Variants in CTNNB1 observed in about 807,000 individuals in gnomAD.
The protein encoded by CTNNB1 is catenin beta 1, also known as catenin beta-1.
In CTNNB1, 6 loss-of-function variants were observed where a neutral mutation model predicts 82.5. The observed-to-expected ratio is 0.07, with a 90% CI of 0.04 to 0.14. The LOEUF is 0.14. Among genes scored for constraint, CTNNB1 ranks in the 10% least tolerant of loss-of-function variants. The probability of loss-of-function intolerance (pLI) is 1.00; values close to 1 mark genes in which losing one functional copy is unlikely to be tolerated. For synonymous variants in CTNNB1, 312 were observed against 329.7 expected (o/e 0.95, Z 0.58); for missense variants, 529 against 980.4 (o/e 0.54, Z 6.15).
chr3:41,213,741 G>C lies in CTNNB1; in HGVS notation c.-48-10280G>C, dbSNP rs191959136. ...TATACTACTGGAGCATTCATGTATA[G>C]TTGGAGATTATGACTCATTTATTGG... is the stretch of plus-strand genomic sequence containing the variant. On this transcript the variant is annotated intron_variant, in intron 1 of 14. Transcript: ENST00000349496. Among the ~76,000 whole-genome samples, 3 of 152,278 alleles carry C rather than the reference G, an allele frequency of 2.0e-5. No homozygotes were observed. In the East Asian group the frequency reaches 5.8e-4, roughly 29 times the overall value.
At chr3:41,238,732 C>A (rs2078500052) in intron 14 of CTNNB1, among the ~76,000 whole-genome samples, 1 of 152,154 alleles carries the variant, frequency 6.6e-6, no homozygotes, top group Admixed American at 6.5e-5. Context: ...TAGATTACAC[C>A]TGCCAGACCT....
At chr3:41,219,447 T>G (rs1171339831) in intron 1 of CTNNB1, among the ~76,000 whole-genome samples, 1 of 152,228 alleles carries the variant, frequency 6.6e-6, no homozygotes, top group Admixed American at 6.5e-5. Context: ...AAGGGGCTTT[T>G]TATGTATACT....
chr3:41,237,813 T>C (rs2078474958), intron 13 of CTNNB1: 1 of 580,756 alleles, frequency 1.7e-6, no homozygotes. Flanking sequence ...AGTGAGTATT[T>C]TTAATGTGAG....
intron 7 of CTNNB1, among the ~76,000 whole-genome samples, chr3:41,229,876 C>CTGTGTGTGTGTGTGTGTGTG (rs58153157): frequency 3.3e-4 from 48 of 147,230 alleles, no homozygotes; most frequent in African/African-American, 1.1e-3. Context: ...CTCTTGGGTT[C>CTGTGTGTGTGTGTGTGTGTG]TGTGTGTGTG....
intron 1 of CTNNB1, among the ~76,000 whole-genome samples, chr3:41,209,517 C>A (rs1322925891): frequency 1.3e-5 from 2 of 152,198 alleles, no homozygotes; most frequent in East Asian, 3.8e-4. Context: ...ATTGTCTGTT[C>A]TCCCTTCAGA....
In CTNNB1 at chr3:41,240,022, T is replaced by G. The variant is rs2078542373; in HGVS notation, c.*680T>G. ...TTTTTTTTTTTTTTTGCAGTAACTG[T>G]TTTTTAAGTCTCTCGTAGTGTTAAG... is the stretch of plus-strand genomic sequence containing the variant. On this transcript the variant is annotated 3_prime_UTR_variant, in exon 15 of 15. Transcript: ENST00000349496. 1 of 203,632 alleles carries G rather than the reference T, an allele frequency of 4.9e-6. No individual in the cohort carries two copies. Among genetic ancestry groups the G allele is most frequent in the Admixed American group, 6.3e-5 (1 of 15,990 alleles). The allele number at this position is 203,632 out of a possible 1,614,324, so 12.6% of individuals were successfully genotyped here. A position where few individuals can be genotyped will look rare whatever the true frequency, so the allele number is the denominator to read the frequency against.
intron 10 of CTNNB1, chr3:41,235,014 C>G (rs1426296528): frequency 6.5e-6 from 1 of 154,292 alleles, no homozygotes; most frequent in African/African-American, 2.4e-5. Context: ...TGGTATTGGC[C>G]CATCTCCATG....
Position 41,239,189 on chromosome 3 carries a change from G to C in CTNNB1, c.2193G>C (p.Met731Ile), listed in dbSNP as rs2125653304. ...GATATGGCCAGGATGCCTTGGGTAT[G>C]GACCCCATGATGGAACATGAGATGG... ...SGGYGQDALG[M>I]DPMMEHEMGG... Residue 731 changes from methionine to isoleucine, a missense_variant, in exon 15 of 15, where the codon ATG (methionine) becomes ATC (isoleucine). Met to Ile is a conservative substitution (Grantham distance 10). This residue lies in a region of CTNNB1 where 102 missense variants were observed against 130.8 expected (regional missense o/e 0.78). Transcript: ENST00000349496. 1 of 1,614,138 alleles carries C rather than the reference G, an allele frequency of 6.2e-7. No homozygotes were observed. Among genetic ancestry groups the C allele is most frequent in the Non-Finnish European group, 8.5e-7 (1 of 1,180,006 alleles).
intron 13 of CTNNB1, 60 bp downstream of exon 13, chr3:41,236,769 T>C (rs2125647849): frequency 6.2e-7 from 1 of 1,608,218 alleles, no homozygotes; most frequent in Non-Finnish European, 8.5e-7. Context: ...TGGCAGCTTG[T>C]TCTTTCCTCT....
At chr3:41,222,332 A>C (rs1309473760) in intron 1 of CTNNB1, 2 of 152,238 alleles carry the variant, frequency 1.3e-5, no homozygotes, top group Non-Finnish European at 2.9e-5. Flanking sequence ...ATCTGCCTCC[A>C]GAGCAGGTAC....
Position 41,237,950 on chromosome 3 carries a change from T to G in CTNNB1, c.2077-66T>G, listed in dbSNP as rs1005323336. On this transcript the variant is annotated intron_variant, in intron 13 of 14. Transcript: ENST00000349496. ...ATCTGAAAGTATGCTTTAAAAAAAA[T>G]TAGTGTACTTTTGAGAATTTTCATT... 14 of 1,349,278 alleles carry G rather than the reference T, an allele frequency of 1.0e-5. No homozygotes were observed. In the African/African-American group the frequency reaches 1.6e-4, roughly 15 times the overall value. 83.6% of individuals were successfully genotyped at this position (1,349,278 alleles called of 1,614,324 possible). A position where few individuals can be genotyped will look rare whatever the true frequency, so the allele number is the denominator to read the frequency against.
chr3:41,208,754 C>T (rs1575288648), intron 1 of CTNNB1, among the ~76,000 whole-genome samples: 1 of 152,326 alleles, frequency 6.6e-6, no homozygotes, highest in South Asian at 2.1e-4. Context: ...GATAAGGCCA[C>T]TCAGTTCATT....
intron 14 of CTNNB1, among the ~76,000 whole-genome samples, chr3:41,238,929 G>T (rs1175540833): frequency 1.3e-5 from 2 of 152,192 alleles, no homozygotes; most frequent in Non-Finnish European, 2.9e-5. Flanking sequence ...GATGTTATTT[G>T]TGTAGTCTCA....
At position 41,225,471 on chromosome 3, in the gene CTNNB1, T is replaced by C. The variant is rs148600849; in HGVS notation, c.633T>C (p.Ala211=). ...AGAATACAAATGATGTAGAAACAGC[T>C]CGTTGTACCGCTGGGACCTTGCATA... ...TMQNTNDVET[A]RCTAGTLHNL... is the part of the protein sequence containing the mutation. The change falls in exon 5 of 15, where the codon GCT becomes GCC. Residue 211 remains alanine (A), a synonymous_variant. Transcript: ENST00000349496. The surrounding 1 kb of genome is among the most constrained non-coding windows in gnomAD (Gnocchi z 5.3). 292 of 1,613,894 alleles carry C rather than the reference T, an allele frequency of 1.8e-4. No individual in the cohort carries two copies. Among genetic ancestry groups the C allele is most frequent in the Non-Finnish European group, 2.3e-4 (266 of 1,179,994 alleles).
intron 1 of CTNNB1, among the ~76,000 whole-genome samples, chr3:41,203,321 C>T (rs558018612): frequency 6.6e-6 from 1 of 151,996 alleles, no homozygotes; most frequent in South Asian, 2.1e-4. Flanking sequence ...AATATCATTA[C>T]TGCTAATTAA....
In CTNNB1 at chr3:41,224,988, G is replaced by A. The variant is rs767219370; in HGVS notation, c.276G>A (p.Gln92=). ...IDGQYAMTRA[Q]RVRAAMFPET... ...GACAGTATGCAATGACTCGAGCTCA[G>A]AGGGTACGAGCTGCTATGTTCCCTG... is the stretch of plus-strand genomic sequence containing the variant. The change falls in exon 4 of 15, where the codon CAG becomes CAA. Residue 92 remains glutamine (Q), a synonymous_variant. Coordinates refer to ENST00000349496, the MANE Select transcript of CTNNB1 (RefSeq NM_001904.4). 4 of 1,614,080 alleles carry A rather than the reference G, an allele frequency of 2.5e-6. No individual in the cohort carries two copies. The highest frequency in any genetic ancestry group is 3.4e-6 in the Non-Finnish European group (4 of 1,179,974).
At chr3:41,201,065 A>G (rs1292040203) in intron 1 of CTNNB1, among the ~76,000 whole-genome samples, 2 of 152,206 alleles carry the variant, frequency 1.3e-5, no homozygotes, top group East Asian at 3.8e-4. Context: ...AGTCTAGGCT[A>G]ATGTTTTTCA....
At chr3:41,211,845 C>G (rs374462547) in intron 1 of CTNNB1, among the ~76,000 whole-genome samples, 6 of 152,298 alleles carry the variant, frequency 3.9e-5, no homozygotes, top group Middle Eastern at 6.8e-3. Context: ...GAAAGGCCTT[C>G]TAACTGGTGT....
chr3:41,228,427 C>T (rs559700101), intron 7 of CTNNB1, among the ~76,000 whole-genome samples: 353 of 152,152 alleles, frequency 2.3e-3, no homozygotes, highest in African/African-American at 7.4e-3. Flanking sequence ...TGGTGTGAGA[C>T]GGTATCTCAT....
Sources: allele counts gnomAD v4.1 joint callset (sites outside exome capture counted in the v4.1 genomes callset), GRCh38; gene constraint gnomAD v4.1.1; regional missense constraint gnomAD v4.1.1; non-coding constraint Gnocchi (gnomAD v3.1); transcripts MANE v1.5; gene names NCBI Gene and HGNC (gene_info 2026-07-23, HGNC 2026-07-21).